GALNT15: variants seen among roughly 807,000 people sequenced by gnomAD.
GALNT15 encodes the protein UDP-GalNAc transferase T15.
Under a neutral mutation model 66.8 loss-of-function variants are expected in GALNT15, and 67 were observed. The observed-to-expected ratio is 1.00, with a 90% CI of 0.82 to 1.23. GALNT15 has a LOEUF of 1.23. Among genes scored for constraint, GALNT15 ranks in the 50% most tolerant of loss-of-function variants. The probability of loss-of-function intolerance (pLI) is 0.00; values close to 1 mark genes in which losing one functional copy is unlikely to be tolerated. For synonymous variants in GALNT15, 313 were observed against 311.5 expected, an observed-to-expected ratio of 1.00 and a Z score of -0.05; for missense variants, 827 against 804.3, an observed-to-expected ratio of 1.03 and a Z score of -0.34.
At chr3:16,244,579 A>G in the GALNT15 span, among the ~76,000 whole-genome samples, 1 of 152,240 alleles carries the variant, frequency 6.6e-6, no homozygotes, top group Admixed American at 6.5e-5. Flanking sequence ...CAGTTGGGGT[A>G]CACACTAGAG....
At chr3:16,222,784 TG>T in intron 9 of GALNT15, 26 bp downstream of exon 9, 2 of 1,611,284 alleles carry the variant, frequency 1.2e-6, no homozygotes, top group Non-Finnish European at 1.7e-6. Flanking sequence ...AGGAAGAGCC[TG>T]GTAGTGCTGC....
chr3:16,180,526 C>T lies in GALNT15; in HGVS notation c.539+4836C>T, dbSNP rs1052081869. Among the ~76,000 whole-genome samples, 1 of 151,940 alleles carries T rather than the reference C, an allele frequency of 6.6e-6. No homozygotes were observed. The highest frequency in any genetic ancestry group is 1.5e-5 in the Non-Finnish European group (1 of 68,000). On this transcript the variant is annotated intron_variant, in intron 1 of 9. Transcript: ENST00000339732. The surrounding 1 kb of genome is among the most constrained non-coding windows in gnomAD (Gnocchi z 5.0). Reference sequence around the variant, plus strand: ...CCCCCTATATTGCTTGTTAAAAAGACGTAGATGTTCAGACCCCCTCACTGG... The same window carrying T: ...CCCCCTATATTGCTTGTTAAAAAGATGTAGATGTTCAGACCCCCTCACTGG...
Position 16,222,009 on chromosome 3 carries a change from G to A in GALNT15, c.1630-606G>A, listed in dbSNP as rs1386991576. Among the ~76,000 whole-genome samples the A allele has an allele frequency of 2.0e-5, 3 of 152,234 alleles. No homozygotes were observed. The East Asian group carries it at 5.8e-4, about 29-fold the overall frequency. On this transcript the variant is annotated intron_variant, in intron 8 of 9. Coordinates refer to ENST00000339732, the MANE Select transcript of GALNT15 (RefSeq NM_054110.5). ...GTCACATACCCATGAAGTTGATCCT[G>A]TCTGTAAGCCACAAAATTAATGTAG...
In GALNT15 at chr3:16,186,847, C is replaced by T. The variant is rs950152073; in HGVS notation, c.540-8913C>T. ...GTTTTTGGGGGTGGGGTGTTGAAAA[C>T]GTTCTCAAATTAGACAGTGGTGATG... On this transcript the variant is annotated intron_variant, in intron 1 of 9. Transcript: ENST00000339732. The surrounding 1 kb of genome is among the most constrained non-coding windows in gnomAD (Gnocchi z 5.1). 7.9e-5 allele frequency among the ~76,000 whole-genome samples: 12 copies of T among 152,102 alleles called. No individual in the cohort carries two copies. The highest frequency in any genetic ancestry group is 2.4e-4 in the African/African-American group (10 of 41,400).
In GALNT15 at chr3:16,188,549, C is replaced by T. The variant is rs562978783; in HGVS notation, c.540-7211C>T. Among the ~76,000 whole-genome samples, 6 of 152,178 alleles carry T rather than the reference C, an allele frequency of 3.9e-5. No homozygotes were observed. The highest frequency in any genetic ancestry group is 8.8e-5 in the Non-Finnish European group (6 of 68,030). On this transcript the variant is annotated intron_variant, in intron 1 of 9. Transcript: ENST00000339732. The surrounding 1 kb of genome is among the most constrained non-coding windows in gnomAD (Gnocchi z 4.6). The stretch of plus-strand genomic sequence containing the variant: ...TGAAGCACCCACAGGGCAAGAGTCA[C>T]ATCTCCCTGGCTGGTGTTTGAGCTT...
chr3:16,231,751 G>A (rs1225720807), downstream of GALNT15: 1 of 1,425,134 alleles, frequency 7.0e-7, no homozygotes, highest in African/African-American at 1.4e-5. The surrounding 1 kb of genome is among the most constrained non-coding windows in gnomAD (Gnocchi z 4.1). Flanking sequence ...AAATGATACA[G>A]TCCTTCCTCT....
chr3:16,185,744 C>CAGACAGAT (rs1202796315), intron 1 of GALNT15, among the ~76,000 whole-genome samples: 1 of 124,830 alleles, frequency 8.0e-6, no homozygotes, highest in African/African-American at 3.4e-5. Context: ...TGGTGATAGA[C>CAGACAGAT]AGACAGATAG....
intron 6 of GALNT15, among the ~76,000 whole-genome samples, chr3:16,218,949 G>A (rs755473230): frequency 6.6e-6 from 1 of 151,824 alleles, no homozygotes; most frequent in East Asian, 1.9e-4. Flanking sequence ...TGAGTAACTG[G>A]GATTACAGGC....
At position 16,191,188 on chromosome 3, in the gene GALNT15, G is replaced by T. The variant is rs569167974; in HGVS notation, c.540-4572G>T. Among the ~76,000 whole-genome samples the T allele has an allele frequency of 6.4e-4, 97 of 152,316 alleles. No homozygotes were observed. The highest frequency in any genetic ancestry group is 2.1e-3 in the African/African-American group (87 of 41,550). On this transcript the variant is annotated intron_variant, in intron 1 of 9. Coordinates refer to ENST00000339732, the MANE Select transcript of GALNT15 (RefSeq NM_054110.5). This position sits in a 1 kb window ranked among gnomAD's most constrained non-coding sequence, Gnocchi z 5.2. ...TAAAACCCCAAAATTCCTGGAGCAA[G>T]GGGAGTCTATGAAATTCTCTTTGAA...
At chr3:16,208,749 C>T in intron 4 of GALNT15, 79 bp downstream of exon 4, 1 of 1,299,070 alleles carries the variant, frequency 7.7e-7, no homozygotes, top group Non-Finnish European at 1.1e-6. Context: ...GGGTCTAATC[C>T]TACCTCCACA....
At chr3:16,226,957 G>A (rs1453970172) in intron 9 of GALNT15, among the ~76,000 whole-genome samples, 3 of 152,222 alleles carry the variant, frequency 2.0e-5, no homozygotes, top group Non-Finnish European at 2.9e-5. Context: ...GGTAACAACA[G>A]TGCCCAACTG....
At position 16,219,983 on chromosome 3, in the gene GALNT15, T is replaced by G. The variant is rs778337125; in HGVS notation, c.1598T>G (p.Leu533Trp). The G allele has an allele frequency of 6.2e-7, 1 of 1,614,146 alleles. No individual in the cohort carries two copies. Among genetic ancestry groups the G allele is most frequent in the South Asian group, 1.1e-5 (1 of 91,080 alleles). Reference sequence around the variant, plus strand: ...GACATCCTGGGCTGTCCCATGGTGTTGGCTCCTTGCAGTGACAGCCGGCAG... The same window carrying G: ...GACATCCTGGGCTGTCCCATGGTGTGGGCTCCTTGCAGTGACAGCCGGCAG... ...EGDILGCPMV[L>W]APCSDSRQQQ... Residue 533 changes from leucine (L) to tryptophan (W), a missense_variant, in exon 8 of 10, where the codon TTG becomes TGG. Leu to Trp is a moderately conservative substitution (Grantham distance 61, BLOSUM62 -2). Coordinates refer to ENST00000339732, the MANE Select transcript of GALNT15 (RefSeq NM_054110.5). The surrounding 1 kb of genome is among the most constrained non-coding windows in gnomAD (Gnocchi z 4.3).
chr3:16,211,068 C>A lies in GALNT15; in HGVS notation c.1080-56C>A. ...CCTGGGAAGCCCCAGCCCCCAGCCT[C>A]GCCTGCTGTGCTCTGGGTTCTGAAC... is the stretch of plus-strand genomic sequence containing the variant. On this transcript the variant is annotated intron_variant, in intron 4 of 9. Coordinates refer to ENST00000339732, the MANE Select transcript of GALNT15 (RefSeq NM_054110.5). The surrounding 1 kb of genome is among the most constrained non-coding windows in gnomAD (Gnocchi z 4.3). 1.5e-6 allele frequency: 2 copies of A among 1,325,524 alleles called. No individual in the cohort carries two copies. The highest frequency in any genetic ancestry group is 2.2e-6 in the Non-Finnish European group (2 of 919,954). 82.1% of individuals were successfully genotyped at this position (1,325,524 alleles called of 1,614,324 possible).
intron 8 of GALNT15, among the ~76,000 whole-genome samples, chr3:16,222,076 A>G (rs754859032): frequency 1.4e-4 from 21 of 152,244 alleles, no homozygotes; most frequent in Non-Finnish European, 2.5e-4. Flanking sequence ...AACAGAAAAT[A>G]GTCTTTCCAG....
At chr3:16,199,491 T>C (rs892052480) in intron 2 of GALNT15, among the ~76,000 whole-genome samples, 1 of 142,150 alleles carries the variant, frequency 7.0e-6, no homozygotes, top group Non-Finnish European at 1.6e-5. Flanking sequence ...AATGGAGCCT[T>C]TTGCCTTTGA....
the GALNT15 span, among the ~76,000 whole-genome samples, chr3:16,242,976 A>C: frequency 6.6e-6 from 1 of 152,090 alleles, no homozygotes; most frequent in Non-Finnish European, 1.5e-5. This position sits in a 1 kb window ranked among gnomAD's most constrained non-coding sequence, Gnocchi z 5.6. Flanking sequence ...AAGAAAAGTC[A>C]ATGTAAGGGT....
Position 16,229,186 on chromosome 3 carries a change from C to T in GALNT15, c.*1686C>T, listed in dbSNP as rs1033785782. On this transcript the variant is annotated 3_prime_UTR_variant, in exon 10 of 10. Coordinates refer to ENST00000339732, the MANE Select transcript of GALNT15 (RefSeq NM_054110.5). ...GGAAGTGCAGTGTTTCCAAACAATA[C>T]CTATCATAACTACGTATTCATTGTC... 16 of 985,152 alleles carry T rather than the reference C, an allele frequency of 1.6e-5. No individual in the cohort carries two copies. The highest frequency in any genetic ancestry group is 1.6e-5 in the Non-Finnish European group (13 of 829,848). 61.0% of individuals were successfully genotyped at this position (985,152 alleles called of 1,614,324 possible).
Position 16,195,688 on chromosome 3 carries a change from G to GGTGT in GALNT15, c.540-72_540-71insGTGT. ...GGCAGCTCCAGCCAGAGCAAAGGAAGCGAGTTAGAGGGTGTGGAGTGTTTC... is the reference window on the plus strand; with the variant it reads ...GGCAGCTCCAGCCAGAGCAAAGGAAGGTGTCGAGTTAGAGGGTGTGGAGTGTTTC... On this transcript the variant is annotated intron_variant, in intron 1 of 9. Transcript: ENST00000339732. This position sits in a 1 kb window ranked among gnomAD's most constrained non-coding sequence, Gnocchi z 4.6. The GGTGT allele has an allele frequency of 7.2e-7, 1 of 1,386,516 alleles. No individual in the cohort carries two copies. The highest frequency in any genetic ancestry group is 1.4e-5 in the South Asian group (1 of 73,450). 85.9% of individuals were successfully genotyped at this position (1,386,516 alleles called of 1,614,324 possible). A position where few individuals can be genotyped will look rare whatever the true frequency, so the allele number is the denominator to read the frequency against.
In GALNT15 at chr3:16,208,753, C is replaced by A. The variant is rs565273046; in HGVS notation, c.1079+83C>A. The stretch of plus-strand genomic sequence containing the variant: ...CTGCCTGCCTGGGGTCTAATCCTAC[C>A]TCCACAGTTTCCTAGTAAATTACTT... On this transcript the variant is annotated intron_variant, in intron 4 of 9. Coordinates refer to ENST00000339732, the MANE Select transcript of GALNT15 (RefSeq NM_054110.5). 8.8e-6 allele frequency: 11 copies of A among 1,255,062 alleles called. No individual in the cohort carries two copies. The African/African-American group carries it at 1.5e-4, about 17-fold the overall frequency. The allele number at this position is 1,255,062 out of a possible 1,614,324, so 77.7% of individuals were successfully genotyped here.
Sources: gnomAD v4.1 joint callset for allele counts (sites outside exome capture counted in the v4.1 genomes callset) on GRCh38, gnomAD v4.1.1 for gene constraint, Gnocchi (gnomAD v3.1) non-coding constraint, MANE v1.5 for transcripts, NCBI Gene and HGNC (gene_info 2026-07-23, HGNC 2026-07-21) for gene names.